FNBP1: variants seen among roughly 807,000 people sequenced by gnomAD.
FNBP1 encodes formin binding protein 1, also known as formin-binding protein 1.
FNBP1 carries 26 observed loss-of-function variants against 90.6 expected under a neutral mutation model. That is an observed-to-expected ratio of 0.29 (90% CI 0.21 to 0.40). The LOEUF (loss-of-function observed/expected upper bound fraction) is 0.40. FNBP1 is among the 10% of genes least tolerant of loss of function. The pLI is 1.00. For missense variants in FNBP1, 635 were observed against 768.0 expected, an observed-to-expected ratio of 0.83 and a Z score of 2.05; for synonymous variants, 260 against 265.2, an observed-to-expected ratio of 0.98 and a Z score of 0.19.
chr9:129,999,065 A>C (rs1425355708), intron 1 of FNBP1, among the ~76,000 whole-genome samples: 3 of 152,230 alleles, frequency 2.0e-5, no homozygotes, highest in Non-Finnish European at 2.9e-5. Flanking sequence ...AGCAGCTAGA[A>C]GAAAATTCAA....
chr9:129,974,809 A>T (rs1017651832), intron 4 of FNBP1, among the ~76,000 whole-genome samples: 1 of 151,716 alleles, frequency 6.6e-6, no homozygotes, highest in Admixed American at 6.6e-5. Context: ...ACAGTGAGCC[A>T]TGATCGCACC....
At chr9:129,910,481 CAAAAAAACAA>C (rs1457939547) in intron 11 of FNBP1, among the ~76,000 whole-genome samples, 1 of 90,084 alleles carries the variant, frequency 1.1e-5, no homozygotes, top group African/African-American at 4.2e-5. Context: ...GACTCCATCT[CAAAAAAACAA>C]AAAAAAAAAA....
At chr9:129,891,304 A>G (rs1419728777) in intron 16 of FNBP1, among the ~76,000 whole-genome samples, 1 of 152,074 alleles carries the variant, frequency 6.6e-6, no homozygotes, top group East Asian at 1.9e-4. Flanking sequence ...TCTACAAAAA[A>G]TTAAAAAAAA....
intron 6 of FNBP1, among the ~76,000 whole-genome samples, chr9:129,950,297 T>C (rs1028627028): frequency 3.9e-5 from 6 of 152,230 alleles, no homozygotes; most frequent in South Asian, 2.1e-4. Context: ...TCAGCTTCAA[T>C]GTTTGTGATG....
At chr9:129,980,039 C>T (rs1204978661) in intron 2 of FNBP1, among the ~76,000 whole-genome samples, 1 of 151,590 alleles carries the variant, frequency 6.6e-6, no homozygotes, top group East Asian at 2.0e-4. Flanking sequence ...TCTTCAAATC[C>T]AAGGAAAACT....
Position 129,889,084 on chromosome 9 carries a change from G to A in FNBP1, c.*1455C>T, listed in dbSNP as rs111766024. On this transcript the variant is annotated 3_prime_UTR_variant, in exon 17 of 17. Coordinates refer to ENST00000446176, the MANE Select transcript of FNBP1 (RefSeq NM_015033.3). ...GCTGCTCTGCTCTAAGGCGTGGCGGGGGGGGGGGGTGGTGGCCACAGATTA... is the reference window on the plus strand; with the variant it reads ...GCTGCTCTGCTCTAAGGCGTGGCGGAGGGGGGGGGTGGTGGCCACAGATTA... 5 of 27,402 alleles carry A rather than the reference G, an allele frequency of 1.8e-4. No homozygotes were observed. Among genetic ancestry groups the A allele is most frequent in the South Asian group, 3.5e-3 (1 of 288 alleles). The allele number at this position is 27,402 out of a possible 1,614,324, so 1.7% of individuals were successfully genotyped here. A position where few individuals can be genotyped will look rare whatever the true frequency, so the allele number is the denominator to read the frequency against.
At chr9:129,981,348 C>A (rs1472370158) in intron 2 of FNBP1, among the ~76,000 whole-genome samples, 1 of 152,152 alleles carries the variant, frequency 6.6e-6, no homozygotes, top group Non-Finnish European at 1.5e-5. Context: ...CTCGGCCCCC[C>A]AAAGTGCCAC....
Position 129,890,448 on chromosome 9 carries a change from T to C in FNBP1, c.*91A>G, listed in dbSNP as rs1415854721. On this transcript the variant is annotated 3_prime_UTR_variant, in exon 17 of 17. Transcript: ENST00000446176. This position sits in a 1 kb window ranked among gnomAD's most constrained non-coding sequence, Gnocchi z 5.8. ...GGGATGGGGCTGCGGAGGGGTGGGCTGTCCACAGGGCAGGGCGCTGGAGGC... is the reference window on the plus strand; with the variant it reads ...GGGATGGGGCTGCGGAGGGGTGGGCCGTCCACAGGGCAGGGCGCTGGAGGC... The C allele has an allele frequency of 3.8e-6, 4 of 1,039,130 alleles. No individual in the cohort carries two copies. In the South Asian group the frequency reaches 4.1e-5, roughly 11 times the overall value. The allele number at this position is 1,039,130 out of a possible 1,614,324, so 64.4% of individuals were successfully genotyped here. A position where few individuals can be genotyped will look rare whatever the true frequency, so the allele number is the denominator to read the frequency against.
intron 6 of FNBP1, among the ~76,000 whole-genome samples, chr9:129,948,418 G>A (rs1238796045): frequency 7.6e-6 from 1 of 130,954 alleles, no homozygotes; most frequent in Non-Finnish European, 1.5e-5. Context: ...AGGCTGGAGT[G>A]CAGTGGCGTG....
At chr9:129,989,105 G>C (rs1318668866) in intron 2 of FNBP1, among the ~76,000 whole-genome samples, 1 of 152,120 alleles carries the variant, frequency 6.6e-6, no homozygotes, top group African/African-American at 2.4e-5. Flanking sequence ...GCTTCTTTTT[G>C]TAATTCACTT....
chr9:130,012,083 A>G (rs2056684091), intron 1 of FNBP1, among the ~76,000 whole-genome samples: 1 of 152,242 alleles, frequency 6.6e-6, no homozygotes, highest in Non-Finnish European at 1.5e-5. Flanking sequence ...AAAGGCCAGG[A>G]ACAGGTCCAT....
At chr9:129,992,299 A>G (rs1358538667) in intron 2 of FNBP1, among the ~76,000 whole-genome samples, 1 of 152,198 alleles carries the variant, frequency 6.6e-6, no homozygotes, top group Non-Finnish European at 1.5e-5. Context: ...TCAAATAATC[A>G]ACGTGAAACA....
At chr9:129,918,321 A>G (rs1331851363) in intron 10 of FNBP1, among the ~76,000 whole-genome samples, 1 of 152,258 alleles carries the variant, frequency 6.6e-6, no homozygotes, top group Non-Finnish European at 1.5e-5. Flanking sequence ...CTGAAGTTGT[A>G]AGCCAGCCAA....
Position 129,969,114 on chromosome 9 carries a change from A to G in FNBP1, c.345+9351T>C, listed in dbSNP as rs556414599. 7.2e-5 allele frequency among the ~76,000 whole-genome samples: 11 copies of G among 152,344 alleles called. No individual in the cohort carries two copies. The South Asian group carries it at 2.3e-3, about 32-fold the overall frequency. ...TTGCTGATAAGAGTACATTTACAGT[A>G]GTTCTTATGGAGGAATATATGTGTT... On this transcript the variant is annotated intron_variant, in intron 4 of 16. Transcript: ENST00000446176.
At chr9:129,938,541 C>CTT (rs77369142) in intron 6 of FNBP1, among the ~76,000 whole-genome samples, 16 of 140,648 alleles carry the variant, frequency 1.1e-4, no homozygotes, top group African/African-American at 3.7e-4. Flanking sequence ...TTTCCTGACT[C>CTT]TTTTTTTTTT....
chr9:130,013,945 C>T, intron 1 of FNBP1: 2 of 452,434 alleles, frequency 4.4e-6, no homozygotes, highest in Non-Finnish European at 8.9e-6. Context: ...GATTCATGAG[C>T]CAAATAATTT....
rs2036693178 is a variant in FNBP1, at chr9:129,900,447, T to C, written c.1529A>G (p.Asn510Ser). The change falls in exon 14 of 17, where the codon AAC (asparagine) becomes AGC (serine). Residue 510 changes from asparagine to serine, a missense_variant. Transcript: ENST00000446176. The surrounding 1 kb of genome is among the most constrained non-coding windows in gnomAD (Gnocchi z 4.1). ...GTACCTCTCACGGTCCTGGGCGCAG[T>C]TGTTGACTGTGGGTGGGTTCTGGCT... Reference protein sequence around the residue: ...YDSQNPPTVNNCAQDRESPDG... With the variant: ...YDSQNPPTVNSCAQDRESPDG... 1.2e-6 allele frequency: 2 copies of C among 1,602,466 alleles called. No individual in the cohort carries two copies. The highest frequency in any genetic ancestry group is 1.7e-6 in the Non-Finnish European group (2 of 1,175,092).
intron 1 of FNBP1, among the ~76,000 whole-genome samples, chr9:129,999,453 C>A (rs919662241): frequency 2.6e-5 from 4 of 151,990 alleles, no homozygotes; most frequent in African/African-American, 9.7e-5. Context: ...CAAAAAGTAG[C>A]CAGGCATGGT....
chr9:129,895,179 T>G (rs1333943430), intron 16 of FNBP1: 1 of 805,956 alleles, frequency 1.2e-6, no homozygotes, highest in Admixed American at 5.5e-5. Context: ...TTTCAGCTGG[T>G]TGTCTGGGAT....
Sources: gnomAD v4.1 joint callset for allele counts (sites outside exome capture counted in the v4.1 genomes callset) on GRCh38, gnomAD v4.1.1 for gene constraint, Gnocchi (gnomAD v3.1) non-coding constraint, MANE v1.5 for transcripts, NCBI Gene and HGNC (gene_info 2026-07-23, HGNC 2026-07-21) for gene names.